The following DSEL variants were observed in gnomAD, a reference collection of about 807,000 sequenced individuals.
DSEL encodes dermatan-sulfate epimerase-like protein.
Under a neutral mutation model 96.6 loss-of-function variants are expected in DSEL, and 61 were observed. That is an observed-to-expected ratio of 0.63 (90% CI 0.51 to 0.78). DSEL has a LOEUF of 0.78. Ranked by LOEUF, DSEL falls within the 30% of genes least tolerant of loss-of-function variation. The pLI, the probability that DSEL is intolerant of heterozygous loss-of-function variation, is 0.00. For synonymous variants in DSEL, 514 were observed against 502.0 expected (o/e 1.02, Z -0.32); for missense variants, 1,320 against 1,430.8 (o/e 0.92, Z 1.25).
intron 1 of DSEL, among the ~76,000 whole-genome samples, chr18:67,515,841 A>G (rs1323491728): frequency 6.6e-6 from 1 of 152,038 alleles, no homozygotes; most frequent in Non-Finnish European, 1.5e-5. Context: ...GAGTCCTGCT[A>G]TCCTTGTTAT....
rs764793840 is a variant in DSEL at position 67,512,910 on chromosome 18, T to C, written c.1699A>G (p.Lys567Glu). ...AGAAGCAAAGCACGATATACACTTTTCAGTCTCATTGCTGAAGAATAAGCA... is the reference window on the plus strand; with the variant it reads ...AGAAGCAAAGCACGATATACACTTTCCAGTCTCATTGCTGAAGAATAAGCA... ...VSAYSSAMRLKSVYRALLLLN... is the reference protein window; with the variant it reads ...VSAYSSAMRLESVYRALLLLN... The change falls in exon 2 of 2, where the codon AAA becomes GAA. Residue 567 changes from lysine to glutamate, a missense_variant. By Grantham distance (56) the Lys-to-Glu change is moderately conservative. Transcript: ENST00000310045. 20 of 1,614,082 alleles carry C rather than the reference T, an allele frequency of 1.2e-5. No individual in the cohort carries two copies. In the South Asian group the frequency reaches 2.2e-4, roughly 18 times the overall value.
chr18:67,511,237 C>A lies in DSEL; in HGVS notation c.3372G>T (p.Leu1124=), dbSNP rs2089440019. ...NTDLLPTSYQ[L]VKFEDIVHFP... ...AATGCACAATATCTTCAAACTTGAC[C>A]AGCTGGTAGCTAGTAGGCAGCAAAT... The change falls in exon 2 of 2, where the codon CTG becomes CTT. Residue 1124 remains leucine (L), a synonymous_variant. Coordinates refer to ENST00000310045, the MANE Select transcript of DSEL (RefSeq NM_032160.3). The A allele has an allele frequency of 1.2e-6, 2 of 1,613,414 alleles. No individual in the cohort carries two copies. Among genetic ancestry groups the A allele is most frequent in the Non-Finnish European group, 1.7e-6 (2 of 1,180,004 alleles).
rs2089433190 is a variant in DSEL at position 67,510,171 on chromosome 18, G to A, written c.*799C>T. On this transcript the variant is annotated 3_prime_UTR_variant, in exon 2 of 2. Coordinates refer to ENST00000310045, the MANE Select transcript of DSEL (RefSeq NM_032160.3). ...TGTTTTGCTTGACAGTGACAGAAAG[G>A]ATAGGATGGGAGTGATGTGATGGCG... The A allele has an allele frequency of 6.6e-6, 1 of 152,208 alleles. No homozygotes were observed. The highest frequency in any genetic ancestry group is 2.1e-4 in the South Asian group (1 of 4,836). 9.4% of individuals were successfully genotyped at this position (152,208 alleles called of 1,614,324 possible).
At position 67,507,687 on chromosome 18, in the gene DSEL, A is replaced by G. The variant is rs565991703; in HGVS notation, c.*3283T>C. 6.6e-6 allele frequency: 1 copy of G among 152,328 alleles called. No individual in the cohort carries two copies. Among genetic ancestry groups the G allele is most frequent in the African/African-American group, 2.4e-5 (1 of 41,576 alleles). The allele number at this position is 152,328 out of a possible 1,614,324, so 9.4% of individuals were successfully genotyped here. A position where few individuals can be genotyped will look rare whatever the true frequency, so the allele number is the denominator to read the frequency against. On this transcript the variant is annotated 3_prime_UTR_variant, in exon 2 of 2. Transcript: ENST00000310045. The stretch of plus-strand genomic sequence containing the variant: ...TGTAGCAAGACCTGGGAATTTTGAT[A>G]CAAGGAAGGATTGTCCCATTCTTGT...
rs1408444563 is a variant in DSEL, at chr18:67,513,870, C to T, written c.739G>A (p.Ala247Thr). Residue 247 changes from alanine (A) to threonine (T), a missense_variant, in exon 2 of 2, where the codon GCA becomes ACA. Ala to Thr is a moderately conservative substitution (Grantham distance 58, BLOSUM62 0). Coordinates refer to ENST00000310045, the MANE Select transcript of DSEL (RefSeq NM_032160.3). Reference protein sequence around the residue: ...LVTGVDKGSKANIWKQAVVDV... With the variant: ...LVTGVDKGSKTNIWKQAVVDV... ...ACTACAGCCTGTTTCCATATATTTG[C>T]TTTAGATCCTTTATCTACTCCAGTC... 3 of 1,614,092 alleles carry T rather than the reference C, an allele frequency of 1.9e-6. No individual in the cohort carries two copies. In the South Asian group the frequency reaches 3.3e-5, roughly 18 times the overall value.
chr18:67,512,252 A>G lies in DSEL; in HGVS notation c.2357T>C (p.Ile786Thr), dbSNP rs1386265759. 6.2e-7 allele frequency: 1 copy of G among 1,614,116 alleles called. No individual in the cohort carries two copies. Among genetic ancestry groups the G allele is most frequent in the East Asian group, 2.2e-5 (1 of 44,888 alleles). Reference protein sequence around the residue: ...VGLILCISLVILTFQWRFYLS... With the variant: ...VGLILCISLVTLTFQWRFYLS... ...GTAAAAACGCCATTGGAAAGTTAAAATCACCAAGCTAATGCACAAAATTAA... is the reference window on the plus strand; with the variant it reads ...GTAAAAACGCCATTGGAAAGTTAAAGTCACCAAGCTAATGCACAAAATTAA... Residue 786 changes from isoleucine to threonine, a missense_variant, in exon 2 of 2, where the codon ATT (isoleucine) becomes ACT (threonine). This residue lies in a region of DSEL where 986 missense variants were observed against 1,066.4 expected (regional missense o/e 0.92). Transcript: ENST00000310045.
Position 67,511,336 on chromosome 18 carries a change from G to A in DSEL, c.3273C>T (p.Ser1091=). The stretch of plus-strand genomic sequence containing the variant: ...ACAAGAGGGACACTGCATTTGATTT[G>A]GATTTTGATAATTCTTTCCTCAATG... The part of the protein sequence containing the change: ...YEPLRKELSK[S]KSNAVSLLSH... Residue 1091 remains serine (S), a synonymous_variant, in exon 2 of 2, where the codon TCC becomes TCT. Coordinates refer to ENST00000310045, the MANE Select transcript of DSEL (RefSeq NM_032160.3). 2 of 1,605,472 alleles carry A rather than the reference G, an allele frequency of 1.2e-6. No homozygotes were observed. Among genetic ancestry groups the A allele is most frequent in the Non-Finnish European group, 1.7e-6 (2 of 1,179,970 alleles).
In DSEL at chr18:67,514,725, T is replaced by C; in HGVS notation, c.-117A>G. 8.6e-7 allele frequency: 1 copy of C among 1,166,834 alleles called. No homozygotes were observed. The highest frequency in any genetic ancestry group is 1.2e-6 in the Non-Finnish European group (1 of 821,138). 72.3% of individuals were successfully genotyped at this position (1,166,834 alleles called of 1,614,324 possible). On this transcript the variant is annotated 5_prime_UTR_variant, in exon 2 of 2. Coordinates refer to ENST00000310045, the MANE Select transcript of DSEL (RefSeq NM_032160.3). ...GCCTTGATAAGACAAAGACTGTAAA[T>C]CTGATATGCTGTGAAATCCAGCTGA...
chr18:67,514,692 C>A lies in DSEL; in HGVS notation c.-84G>T. Reference sequence around the variant, plus strand: ...TCCCATCTGGTTAGTATAAAACATACAGTAAAGGCCTTGATAAGACAAAGA... The same window carrying A: ...TCCCATCTGGTTAGTATAAAACATAAAGTAAAGGCCTTGATAAGACAAAGA... On this transcript the variant is annotated 5_prime_UTR_variant, in exon 2 of 2. Transcript: ENST00000310045. 7.1e-7 allele frequency: 1 copy of A among 1,407,136 alleles called. No individual in the cohort carries two copies. 87.2% of individuals were successfully genotyped at this position (1,407,136 alleles called of 1,614,324 possible). A position where few individuals can be genotyped will look rare whatever the true frequency, so the allele number is the denominator to read the frequency against.
chr18:67,512,303 C>T lies in DSEL; in HGVS notation c.2306G>A (p.Gly769Glu). 4 of 1,614,148 alleles carry T rather than the reference C, an allele frequency of 2.5e-6. No homozygotes were observed. Among genetic ancestry groups the T allele is most frequent in the Non-Finnish European group, 3.4e-6 (4 of 1,180,032 alleles). The change falls in exon 2 of 2, where the codon GGA becomes GAA. Residue 769 changes from glycine (G) to glutamate (E), a missense_variant. Gly to Glu is a moderately conservative substitution (Grantham distance 98). Transcript: ENST00000310045. ...VRHDRIIFPF[G>E]FKFNIAVGLI... ...TCCAACTGCTATATTAAATTTAAAT[C>T]CAAAGGGGAAAATAATCCTATCATG...
rs901309449 is a variant in DSEL at position 67,516,188 on chromosome 18, G to A, written c.-885+173C>T. ...AGAACCTAAGCAAGTTTCAGTCTTGGACAAGTCTCCCCTCTGTAGGAAACA... is the reference window on the plus strand; with the variant it reads ...AGAACCTAAGCAAGTTTCAGTCTTGAACAAGTCTCCCCTCTGTAGGAAACA... On this transcript the variant is annotated intron_variant, in intron 1 of 1. Coordinates refer to ENST00000310045, the MANE Select transcript of DSEL (RefSeq NM_032160.3). This position sits in a 1 kb window ranked among gnomAD's most constrained non-coding sequence, Gnocchi z 5.6. 2.6e-5 allele frequency among the ~76,000 whole-genome samples: 4 copies of A among 152,176 alleles called. No individual in the cohort carries two copies. Among genetic ancestry groups the A allele is most frequent in the Non-Finnish European group, 5.9e-5 (4 of 68,024 alleles).
Position 67,511,997 on chromosome 18 carries a change from A to C in DSEL, c.2612T>G (p.Leu871Arg), listed in dbSNP as rs749927031. The change falls in exon 2 of 2, where the codon CTT becomes CGT. Residue 871 changes from leucine to arginine, a missense_variant. Leu to Arg is a moderately radical substitution (Grantham distance 102). Around this residue, in one of 3 missense-constraint regions of DSEL, gnomAD observed 986 missense variants for 1,066.4 expected, o/e 0.92. Transcript: ENST00000310045. ...PGSGAEILKQ[L>R]FFNSSDFLYI... ...GAGAAAATCACTACTGTTGAAAAAA[A>C]GTTGTTTGAGAATTTCAGCTCCTGA... 2 of 1,614,032 alleles carry C rather than the reference A, an allele frequency of 1.2e-6. No homozygotes were observed. Among genetic ancestry groups the C allele is most frequent in the Non-Finnish European group, 1.7e-6 (2 of 1,180,036 alleles).
rs949172447 is a variant in DSEL, at chr18:67,506,713, C to G, written c.*4257G>C. The G allele has an allele frequency of 6.6e-6, 1 of 151,716 alleles. No homozygotes were observed. Among genetic ancestry groups the G allele is most frequent in the South Asian group, 2.1e-4 (1 of 4,816 alleles). 9.4% of individuals were successfully genotyped at this position (151,716 alleles called of 1,614,324 possible). A position where few individuals can be genotyped will look rare whatever the true frequency, so the allele number is the denominator to read the frequency against. On this transcript the variant is annotated 3_prime_UTR_variant, in exon 2 of 2. Transcript: ENST00000310045. ...TAGATAACGTATGAAGGAAAAACGA[C>G]GACGAACAAAAAATTAATTGCTTGG...
Position 67,512,427 on chromosome 18 carries a change from A to G in DSEL, c.2182T>C (p.Phe728Leu). 6.2e-7 allele frequency: 1 copy of G among 1,614,168 alleles called. No individual in the cohort carries two copies. The highest frequency in any genetic ancestry group is 8.5e-7 in the Non-Finnish European group (1 of 1,180,032). The change falls in exon 2 of 2, where the codon TTC becomes CTC. Residue 728 changes from phenylalanine to leucine, a missense_variant. By Grantham distance (22) the Phe-to-Leu change is conservative (BLOSUM62 0). Coordinates refer to ENST00000310045, the MANE Select transcript of DSEL (RefSeq NM_032160.3). ...AAGCCACCGAATCCCAGATAATTGA[A>G]TCTTGTCTTCAGGTTATGGTAATCA... ...VTDYHNLKTR[F>L]NYLGFGGFAS...
rs1370282690 is a variant in DSEL at position 67,507,811 on chromosome 18, T to C, written c.*3159A>G. On this transcript the variant is annotated 3_prime_UTR_variant, in exon 2 of 2. Transcript: ENST00000310045. ...TACATATTGTTGTGTCATCACTTTG[T>C]TAAAATTTAAATTTTAAATTAAATT... 1 of 152,228 alleles carries C rather than the reference T, an allele frequency of 6.6e-6. No individual in the cohort carries two copies. Among genetic ancestry groups the C allele is most frequent in the Non-Finnish European group, 1.5e-5 (1 of 68,038 alleles). The allele number at this position is 152,228 out of a possible 1,614,324, so 9.4% of individuals were successfully genotyped here.
At position 67,513,405 on chromosome 18, in the gene DSEL, C is replaced by T. The variant is rs1459803947; in HGVS notation, c.1204G>A (p.Ala402Thr). ...TGTATTTTTGCAGTACCATAATCAG[C>T]AGGTGGCTGTGGTGTGAGCTGGGGA... ...YDPQLTPQPP[A>T]DYGTAKIHTF... The change falls in exon 2 of 2, where the codon GCT becomes ACT. Residue 402 changes from alanine to threonine, a missense_variant. This residue lies in a region of DSEL where 986 missense variants were observed against 1,066.4 expected (regional missense o/e 0.92). Coordinates refer to ENST00000310045, the MANE Select transcript of DSEL (RefSeq NM_032160.3). 1 of 1,614,186 alleles carries T rather than the reference C, an allele frequency of 6.2e-7. No homozygotes were observed. Among genetic ancestry groups the T allele is most frequent in the Non-Finnish European group, 8.5e-7 (1 of 1,180,040 alleles).
rs752798032 is a variant in DSEL, at chr18:67,512,439, G to A, written c.2170C>T (p.Leu724=). 2.5e-6 allele frequency: 4 copies of A among 1,614,134 alleles called. No homozygotes were observed. The South Asian group carries it at 3.3e-5, about 13-fold the overall frequency. The part of the protein sequence containing the change: ...VVSIVTDYHN[L]KTRFNYLGFG... ...CCCAGATAATTGAATCTTGTCTTCA[G>A]GTTATGGTAATCAGTTACAATAGAA... The change falls in exon 2 of 2, where the codon CTG becomes TTG. Residue 724 remains leucine (L), a synonymous_variant. Transcript: ENST00000310045.
Position 67,515,495 on chromosome 18 carries a change from G to T in DSEL, c.-884-3C>A. 6.0e-6 allele frequency: 1 copy of T among 166,862 alleles called. No individual in the cohort carries two copies. 10.3% of individuals were successfully genotyped at this position (166,862 alleles called of 1,614,324 possible). A position where few individuals can be genotyped will look rare whatever the true frequency, so the allele number is the denominator to read the frequency against. ...TGCTCTTTTTTCATGACACTTTTCT[G>T]GGGATGGGGGACAAAATAAAAATTC... On this transcript the variant is annotated splice_polypyrimidine_tract_variant and splice_region_variant and intron_variant, in intron 1 of 1. Transcript: ENST00000310045.
rs1440793157 is a variant in DSEL at position 67,514,580 on chromosome 18, A to G, written c.29T>C (p.Leu10Pro). The G allele has an allele frequency of 3.7e-6, 6 of 1,614,064 alleles. No homozygotes were observed. Among genetic ancestry groups the G allele is most frequent in the Non-Finnish European group, 5.1e-6 (6 of 1,180,022 alleles). The change falls in exon 2 of 2, where the codon CTA becomes CCA. Residue 10 changes from leucine (L) to proline (P), a missense_variant. Transcript: ENST00000310045. ...AGCAAACATCAATAATGCTAAGAAT[A>G]GTAAATGTCCTGTAAACATTAACGC... MALMFTGHLLFLALLMFAFS... is the reference protein window; with the variant it reads MALMFTGHLPFLALLMFAFS...
Sources: gnomAD v4.1 joint callset for allele counts (sites outside exome capture counted in the v4.1 genomes callset) on GRCh38, gnomAD v4.1.1 for gene constraint, gnomAD v4.1.1 regional missense constraint, Gnocchi (gnomAD v3.1) non-coding constraint, MANE v1.5 for transcripts, NCBI Gene and HGNC (gene_info 2026-07-23, HGNC 2026-07-21) for gene names.